Variants in GULP1 observed in about 807,000 individuals in gnomAD.
GULP1 encodes PTB domain-containing engulfment adapter protein 1.
Under a neutral mutation model 40.9 loss-of-function variants are expected in GULP1, and 19 were observed. That is an observed-to-expected ratio of 0.46 (90% CI 0.32 to 0.68). The LOEUF (loss-of-function observed/expected upper bound fraction) is 0.68. GULP1 is among the 30% of genes least tolerant of loss of function. The pLI is 0.03. For synonymous variants in GULP1, 119 were observed against 117.6 expected (o/e 1.01, Z -0.08); for missense variants, 312 against 362.2 (o/e 0.86, Z 1.12).
At chr2:188,593,447 T>C (rs1703982941) in intron 11 of GULP1, 1 of 152,132 alleles carries the variant, frequency 6.6e-6, no homozygotes, top group Admixed American at 6.6e-5. Flanking sequence ...AATCTGCAGT[T>C]GTGTGTTCCA....
intron 2 of GULP1, among the ~76,000 whole-genome samples, chr2:188,409,559 T>A (rs2152703931): frequency 6.6e-6 from 1 of 152,120 alleles, no homozygotes; most frequent in African/African-American, 2.4e-5. Flanking sequence ...TCTTTTCAAT[T>A]TTTTTTTCCA....
chr2:188,586,750 T>C (rs1306486297), intron 10 of GULP1, among the ~76,000 whole-genome samples: 2 of 152,074 alleles, frequency 1.3e-5, no homozygotes, highest in East Asian at 3.8e-4. Flanking sequence ...TTAACTTATT[T>C]AATACAAGAA....
rs1050358594 is a variant in GULP1, at chr2:188,551,572, A to T, written c.399+10254A>T. Reference sequence around the variant, plus strand: ...CCACATTTTCTTCATCCATTTATCCATTGGCGGACATTTAGGTTGATTCCA... The same window carrying T: ...CCACATTTTCTTCATCCATTTATCCTTTGGCGGACATTTAGGTTGATTCCA... On this transcript the variant is annotated intron_variant, in intron 7 of 11. Coordinates refer to ENST00000409830, the MANE Select transcript of GULP1 (RefSeq NM_016315.4). Among the ~76,000 whole-genome samples, 25 of 151,668 alleles carry T rather than the reference A, an allele frequency of 1.6e-4. 1 individual carries two copies. Among genetic ancestry groups the T allele is most frequent in the Admixed American group, 1.4e-3 (21 of 15,176 alleles).
At chr2:188,335,117 T>G (rs2042089973) in intron 1 of GULP1, among the ~76,000 whole-genome samples, 2 of 152,244 alleles carry the variant, frequency 1.3e-5, no homozygotes, top group Non-Finnish European at 2.9e-5. Context: ...ATGTGTATAT[T>G]TTTGATATAT....
At chr2:188,393,916 A>T (rs184581778) in intron 2 of GULP1, among the ~76,000 whole-genome samples, 11 of 152,254 alleles carry the variant, frequency 7.2e-5, no homozygotes, top group Admixed American at 4.6e-4. Context: ...GCTTTCCTTT[A>T]TAAGTTACCT....
chr2:188,481,759 A>G (rs1232785379), intron 3 of GULP1, among the ~76,000 whole-genome samples: 2 of 151,980 alleles, frequency 1.3e-5, no homozygotes, highest in Non-Finnish European at 2.9e-5. Flanking sequence ...GAAAGGAGAC[A>G]TGAAAAGAAT....
chr2:188,310,077 A>G (rs1162564360), intron 1 of GULP1, among the ~76,000 whole-genome samples: 1 of 152,200 alleles, frequency 6.6e-6, no homozygotes, highest in Non-Finnish European at 1.5e-5. Flanking sequence ...AATATGGGTT[A>G]TTAATTTCTG....
intron 1 of GULP1, among the ~76,000 whole-genome samples, chr2:188,316,892 T>G: frequency 6.6e-6 from 1 of 152,034 alleles, no homozygotes; most frequent in Middle Eastern, 3.2e-3. Context: ...ATTTGATGAG[T>G]GAATGAAGAA....
intron 2 of GULP1, among the ~76,000 whole-genome samples, chr2:188,477,039 G>T (rs750226065): frequency 1.3e-5 from 2 of 152,006 alleles, no homozygotes; most frequent in Non-Finnish European, 2.9e-5. Flanking sequence ...GGTATTAAGA[G>T]GACCTCTTGG....
At chr2:188,340,600 G>A (rs67798410) in intron 1 of GULP1, among the ~76,000 whole-genome samples, 26,956 of 152,110 alleles carry the variant, frequency 0.18, 2,461 homozygotes, top group South Asian at 0.23. Flanking sequence ...GATGACTTAA[G>A]TGTTAAATAG....
rs186918907 is a variant in GULP1 at position 188,388,807 on chromosome 2, A to G, written c.-45+4918A>G. ...ACCTGTATGACAAACAAATGAATAG[A>G]ATACACCATGAAAGCACAAGAGAAT... On this transcript the variant is annotated intron_variant, in intron 2 of 11. Transcript: ENST00000409830. Among the ~76,000 whole-genome samples the G allele has an allele frequency of 1.6e-3, 250 of 152,300 alleles. 1 individual carries two copies. The highest frequency in any genetic ancestry group is 5.8e-3 in the African/African-American group (241 of 41,572).
chr2:188,442,261 G>T (rs545851002), intron 2 of GULP1, among the ~76,000 whole-genome samples: 16 of 152,200 alleles, frequency 1.1e-4, no homozygotes, highest in Non-Finnish European at 1.8e-4. Context: ...AGGTAATGTG[G>T]TTGTTATTTT....
chr2:188,318,734 A>C (rs925896025), intron 1 of GULP1, among the ~76,000 whole-genome samples: 3 of 152,298 alleles, frequency 2.0e-5, no homozygotes, highest in African/African-American at 7.2e-5. Context: ...AAATTTCTGC[A>C]TAATCTGCCC....
At chr2:188,416,779 GT>G (rs2054641675) in intron 2 of GULP1, among the ~76,000 whole-genome samples, 1 of 152,116 alleles carries the variant, frequency 6.6e-6, no homozygotes, top group South Asian at 2.1e-4. Flanking sequence ...ACATATAGTA[GT>G]TAGTAGAAAA....
At chr2:188,458,491 A>T (rs1243677465) in intron 2 of GULP1, among the ~76,000 whole-genome samples, 3 of 152,098 alleles carry the variant, frequency 2.0e-5, no homozygotes, top group Non-Finnish European at 2.9e-5. Context: ...CTCTGAAAAT[A>T]CAATGCAAAA....
At chr2:188,389,991 G>T (rs961935407) in intron 2 of GULP1, among the ~76,000 whole-genome samples, 3 of 151,176 alleles carry the variant, frequency 2.0e-5, no homozygotes, top group African/African-American at 7.3e-5. Flanking sequence ...AGCATTTCAT[G>T]GTGTACATAT....
intron 11 of GULP1, chr2:188,590,692 T>C (rs1323728654): frequency 6.6e-6 from 1 of 152,140 alleles, no homozygotes; most frequent in East Asian, 1.9e-4. Context: ...TTGACATAAT[T>C]TAAACTGTCC....
intron 1 of GULP1, among the ~76,000 whole-genome samples, chr2:188,337,374 AAGTGATCC>A (rs1274365819): frequency 1.3e-5 from 2 of 150,960 alleles, no homozygotes; most frequent in Non-Finnish European, 2.9e-5. Flanking sequence ...TCCTGACCTC[AAGTGATCC>A]ACCCACCTTG....
intron 7 of GULP1, among the ~76,000 whole-genome samples, chr2:188,567,222 G>T (rs901315276): frequency 1.3e-5 from 2 of 152,124 alleles, no homozygotes; most frequent in Admixed American, 1.3e-4. Context: ...AGACAGTGTG[G>T]CGATTCCTCA....
Sources: gnomAD v4.1 joint callset for allele counts (sites outside exome capture counted in the v4.1 genomes callset) on GRCh38, gnomAD v4.1.1 for gene constraint, MANE v1.5 for transcripts, NCBI Gene and HGNC (gene_info 2026-07-23, HGNC 2026-07-21) for gene names.